The following ADAMTS19 variants were observed in gnomAD, a reference collection of about 807,000 sequenced individuals.
ADAMTS19 encodes the protein ADAM metallopeptidase with thrombospondin type 1 motif 19.
ADAMTS19 carries 93 observed loss-of-function variants against 153.3 expected under a neutral mutation model. That is an observed-to-expected ratio of 0.61 (90% CI 0.51 to 0.72). The LOEUF (loss-of-function observed/expected upper bound fraction) is 0.72, where lower values mean the gene tolerates loss of function less well. Ranked by LOEUF, ADAMTS19 falls within the 30% of genes least tolerant of loss-of-function variation. The pLI is 0.00. For missense variants in ADAMTS19, 1,482 were observed against 1,552.1 expected (o/e 0.95, Z 0.76); for synonymous variants, 600 against 556.6 (o/e 1.08, Z -1.10).
chr5:129,611,280 C>G (rs1173008105), intron 8 of ADAMTS19, among the ~76,000 whole-genome samples: 1 of 152,128 alleles, frequency 6.6e-6, no homozygotes, highest in Non-Finnish European at 1.5e-5. Context: ...TGTGCAGAAG[C>G]TCTTTAGTTT....
intron 2 of ADAMTS19, among the ~76,000 whole-genome samples, chr5:129,470,518 A>T (rs1750026767): frequency 6.6e-6 from 1 of 152,228 alleles, no homozygotes; most frequent in African/African-American, 2.4e-5. Context: ...GTGCAGCTAT[A>T]GTGAACACAT....
At chr5:129,586,789 GCT>G (rs1410504434) in intron 7 of ADAMTS19, among the ~76,000 whole-genome samples, 2 of 152,188 alleles carry the variant, frequency 1.3e-5, no homozygotes, top group African/African-American at 4.8e-5. Context: ...GACGGTTCCT[GCT>G]GCTCCACATT....
chr5:129,570,796 T>G (rs531542395), intron 7 of ADAMTS19, among the ~76,000 whole-genome samples: 34 of 151,956 alleles, frequency 2.2e-4, no homozygotes, highest in African/African-American at 7.9e-4. Flanking sequence ...ATCAAATACA[T>G]TAAAAGTCTA....
At chr5:129,658,824 G>T (rs1753706003) in intron 15 of ADAMTS19, 87 bp downstream of exon 15, 5 of 1,362,008 alleles carry the variant, frequency 3.7e-6, no homozygotes, top group Non-Finnish European at 4.9e-6. Flanking sequence ...AGAGATTATA[G>T]TTCTAATTCT....
intron 7 of ADAMTS19, among the ~76,000 whole-genome samples, chr5:129,553,664 C>T (rs1416504626): frequency 6.6e-6 from 1 of 152,148 alleles, no homozygotes; most frequent in African/African-American, 2.4e-5. Flanking sequence ...TCACTAAAGC[C>T]TAGTTCTCCC....
At chr5:129,559,201 T>A (rs1381950356) in intron 7 of ADAMTS19, among the ~76,000 whole-genome samples, 1 of 152,028 alleles carries the variant, frequency 6.6e-6, no homozygotes, top group Non-Finnish European at 1.5e-5. Context: ...TGAAATGAGG[T>A]GAATCTTAGA....
At position 129,622,317 on chromosome 5, in the gene ADAMTS19, G is replaced by C; in HGVS notation, c.1739G>C (p.Gly580Ala). 6.2e-7 allele frequency: 1 copy of C among 1,613,952 alleles called. No homozygotes were observed. The highest frequency in any genetic ancestry group is 8.5e-7 in the Non-Finnish European group (1 of 1,179,958). ...GATGAACAATGCCAGATCCTTTTTGGGCCATTGGCTTCTTTTTGTCAGGAG... is the reference window on the plus strand; with the variant it reads ...GATGAACAATGCCAGATCCTTTTTGCGCCATTGGCTTCTTTTTGTCAGGAG... ...TADEQCQILF[G>A]PLASFCQEMQ... Residue 580 changes from glycine (G) to alanine (A), a missense_variant, in exon 10 of 23, where the codon GGG becomes GCG. Coordinates refer to ENST00000274487, the MANE Select transcript of ADAMTS19 (RefSeq NM_133638.6).
intron 7 of ADAMTS19, among the ~76,000 whole-genome samples, chr5:129,574,037 A>T (rs1754008515): frequency 6.6e-6 from 1 of 152,044 alleles, no homozygotes. Flanking sequence ...CTTGTTAAGC[A>T]TCTACTAAGT....
chr5:129,606,948 C>G (rs1194748615), intron 8 of ADAMTS19, among the ~76,000 whole-genome samples: 1 of 152,072 alleles, frequency 6.6e-6, no homozygotes, highest in Admixed American at 6.5e-5. Context: ...GATGGAGTCT[C>G]ACTCTGTTGC....
At position 129,733,944 on chromosome 5, in the gene ADAMTS19, CGTGTGTGTGTGTGTGTGTGT is replaced by C. The variant is rs34177749; in HGVS notation, c.3313-961_3313-942del. Among the ~76,000 whole-genome samples the C allele has an allele frequency of 7.6e-3, 1,126 of 147,832 alleles. 6 individuals carry two copies. Among genetic ancestry groups the C allele is most frequent in the African/African-American group, 0.014 (566 of 40,292 alleles). ...GATAACTGGATAAAGCAAGTGTGTG[CGTGTGTGTGTGTGTGTGTGT>C]GTGTGTGTGTGTGTGTGTGTGTGTG... On this transcript the variant is annotated intron_variant, in intron 21 of 22. Coordinates refer to ENST00000274487, the MANE Select transcript of ADAMTS19 (RefSeq NM_133638.6).
intron 8 of ADAMTS19, among the ~76,000 whole-genome samples, chr5:129,611,603 G>T (rs1042394655): frequency 5.9e-5 from 9 of 152,024 alleles, no homozygotes; most frequent in Non-Finnish European, 1.3e-4. Flanking sequence ...GGTTGTAGAT[G>T]TGTGGTATTA....
In ADAMTS19 at chr5:129,660,381, G is replaced by A. The variant is rs113333595; in HGVS notation, c.2425+1644G>A. On this transcript the variant is annotated intron_variant, in intron 15 of 22. Transcript: ENST00000274487. ...TTTCTGCCTGATTGTGATGGCAGAA[G>A]TTTTTTTTATAGTGCAGAAATTCAA... is the stretch of plus-strand genomic sequence containing the variant. Among the ~76,000 whole-genome samples, 15 of 151,874 alleles carry A rather than the reference G, an allele frequency of 9.9e-5. 4 individuals carry two copies. The highest frequency in any genetic ancestry group is 3.6e-4 in the African/African-American group (15 of 41,436).
chr5:129,534,786 C>T (rs1276835436), intron 6 of ADAMTS19, among the ~76,000 whole-genome samples: 3 of 152,122 alleles, frequency 2.0e-5, no homozygotes, highest in Non-Finnish European at 1.5e-5. Context: ...AATCAATAAA[C>T]GTAATCCAGC....
At chr5:129,613,862 C>T (rs1031429650) in intron 8 of ADAMTS19, among the ~76,000 whole-genome samples, 8 of 151,970 alleles carry the variant, frequency 5.3e-5, no homozygotes, top group African/African-American at 9.7e-5. Context: ...ATATCACCAT[C>T]GATCCCACAG....
chr5:129,537,789 G>T lies in ADAMTS19; in HGVS notation c.1328+9112G>T, dbSNP rs13162435. Among the ~76,000 whole-genome samples, 45 of 151,992 alleles carry T rather than the reference G, an allele frequency of 3.0e-4. No individual in the cohort carries two copies. The East Asian group carries it at 8.0e-3, about 27-fold the overall frequency. On this transcript the variant is annotated intron_variant, in intron 6 of 22. Coordinates refer to ENST00000274487, the MANE Select transcript of ADAMTS19 (RefSeq NM_133638.6). ...TGGGGCCTGTTGTGGGATGGGGGAA[G>T]GGGGGAGGGATAGCATTAGGAGATA...
intron 15 of ADAMTS19, 30 bp from the exon 16 acceptor site, chr5:129,665,469 A>G: frequency 2.6e-6 from 4 of 1,526,164 alleles, no homozygotes; most frequent in South Asian, 2.4e-5. Context: ...GGAACTCAAG[A>G]TTTATTTCAT....
At chr5:129,595,587 G>A (rs1020432222) in intron 7 of ADAMTS19, among the ~76,000 whole-genome samples, 5 of 151,998 alleles carry the variant, frequency 3.3e-5, no homozygotes, top group Non-Finnish European at 7.4e-5. Flanking sequence ...CCAGCAGATG[G>A]ATTCAAAGGT....
chr5:129,460,466 G>A lies in ADAMTS19; in HGVS notation c.75G>A (p.Ser25=). The change falls in exon 1 of 23, where the codon TCG becomes TCA. Residue 25 remains serine, a synonymous_variant. Coordinates refer to ENST00000274487, the MANE Select transcript of ADAMTS19 (RefSeq NM_133638.6). The stretch of plus-strand genomic sequence containing the variant: ...TCCTTTACCAGCTGGGGTTCCTGTC[G>A]AATGGGATCGTTTCAGGTAAGTTCT... ...CCLLYQLGFL[S]NGIVSELQFA... 1 of 1,614,152 alleles carries A rather than the reference G, an allele frequency of 6.2e-7. No homozygotes were observed. Among genetic ancestry groups the A allele is most frequent in the Non-Finnish European group, 8.5e-7 (1 of 1,180,018 alleles).
At chr5:129,718,354 A>C (rs1019202355) in intron 21 of ADAMTS19, among the ~76,000 whole-genome samples, 1 of 152,172 alleles carries the variant, frequency 6.6e-6, no homozygotes, top group Non-Finnish European at 1.5e-5. Flanking sequence ...TCCAAAAAAA[A>C]TAATGAATTA....
Sources: allele counts gnomAD v4.1 joint callset (sites outside exome capture counted in the v4.1 genomes callset), GRCh38; gene constraint gnomAD v4.1.1; transcripts MANE v1.5; gene names NCBI Gene and HGNC (gene_info 2026-07-23, HGNC 2026-07-21).